The following SLA2 variants were observed in gnomAD, a reference collection of about 807,000 sequenced individuals.
SLA2 encodes the protein Src like adaptor 2.
SLA2 carries 22 observed loss-of-function variants against 27.3 expected under a neutral mutation model. The observed-to-expected ratio is 0.81, with a 90% CI of 0.58 to 1.15. The LOEUF is 1.15. SLA2 is among the 50% of genes most tolerant of loss of function. The probability of loss-of-function intolerance (pLI) is 0.00; values close to 1 mark genes in which losing one functional copy is unlikely to be tolerated. For synonymous variants in SLA2, 131 were observed against 137.8 expected (o/e 0.95, Z 0.34); for missense variants, 304 against 322.2 (o/e 0.94, Z 0.43).
intron 1 of SLA2, 137 bp from the exon 2 acceptor site, chr20:36,641,515 C>CCT (rs2039506585): frequency 3.6e-6 from 2 of 548,724 alleles, no homozygotes; most frequent in Non-Finnish European, 6.6e-6. Flanking sequence ...CAGGCTCCAG[C>CCT]CTCTCTGCCA....
At chr20:36,644,914 T>C (rs1353466865) in intron 1 of SLA2, among the ~76,000 whole-genome samples, 1 of 138,442 alleles carries the variant, frequency 7.2e-6, no homozygotes, top group Admixed American at 7.8e-5. Context: ...GGGTCCCATT[T>C]CAGATACAGT....
chr20:36,622,048 G>A (rs1310831218), intron 5 of SLA2, among the ~76,000 whole-genome samples: 2 of 151,862 alleles, frequency 1.3e-5, no homozygotes, highest in Non-Finnish European at 2.9e-5. Context: ...GGCTGGGTGC[G>A]GTGGCTCACA....
intron 1 of SLA2, among the ~76,000 whole-genome samples, chr20:36,645,139 A>G (rs1355078456): frequency 6.6e-6 from 1 of 151,750 alleles, no homozygotes; most frequent in Non-Finnish European, 1.5e-5. Context: ...CAGGAGTTCG[A>G]GACCAGCCTG....
At chr20:36,627,332 G>A (rs1228808136) in intron 5 of SLA2, among the ~76,000 whole-genome samples, 2 of 152,184 alleles carry the variant, frequency 1.3e-5, no homozygotes, top group African/African-American at 2.4e-5. Context: ...GATGCTGGGA[G>A]TGAGGGATGA....
intron 5 of SLA2, among the ~76,000 whole-genome samples, chr20:36,619,826 G>T (rs1163268978): frequency 4.0e-5 from 6 of 150,656 alleles, no homozygotes; most frequent in African/African-American, 1.5e-4. Context: ...TAGAAACGGG[G>T]TTTCACCATG....
chr20:36,626,439 C>G (rs1190809601), intron 5 of SLA2, among the ~76,000 whole-genome samples: 9 of 151,672 alleles, frequency 5.9e-5, no homozygotes, highest in Non-Finnish European at 1.0e-4. Flanking sequence ...AAGCATTCAC[C>G]TGTAGTCCCA....
At chr20:36,629,872 A>T (rs1600826060) in intron 5 of SLA2, among the ~76,000 whole-genome samples, 1 of 151,844 alleles carries the variant, frequency 6.6e-6, no homozygotes, top group East Asian at 1.9e-4. Flanking sequence ...CAGGAGGCAG[A>T]GGCTGCACTG....
intron 6 of SLA2, 171 bp from the exon 7 acceptor site, chr20:36,614,608 T>C (rs1160260064): frequency 2.1e-5 from 21 of 985,290 alleles, no homozygotes; most frequent in Non-Finnish European, 1.9e-5. Context: ...GTCAAAGGTC[T>C]TTCTGGGCTA....
chr20:36,639,662 G>A (rs2039487443), intron 2 of SLA2, among the ~76,000 whole-genome samples: 1 of 151,044 alleles, frequency 6.6e-6, no homozygotes, highest in Non-Finnish European at 1.5e-5. Context: ...GACCATCCTG[G>A]CTAACACAGT....
intron 5 of SLA2, chr20:36,621,466 G>A (rs530665239): frequency 5.7e-5 from 24 of 421,816 alleles, no homozygotes; most frequent in African/African-American, 1.1e-4. Context: ...TTTTTGAGAC[G>A]GAGTCTTGCT....
At position 36,630,410 on chromosome 20, in the gene SLA2, T is replaced by C. The variant is rs967136310; in HGVS notation, c.382+2185A>G. On this transcript the variant is annotated intron_variant, in intron 5 of 7. Coordinates refer to ENST00000262866, the MANE Select transcript of SLA2 (RefSeq NM_032214.4). Reference sequence around the variant, plus strand: ...GAAGGGTCCCGACAGCCTATCACAGTTGGTTCATATCAAGGCGGGCGCCAG... The same window carrying C: ...GAAGGGTCCCGACAGCCTATCACAGCTGGTTCATATCAAGGCGGGCGCCAG... Among the ~76,000 whole-genome samples, 27 of 152,176 alleles carry C rather than the reference T, an allele frequency of 1.8e-4. 1 individual carries two copies. The highest frequency in any genetic ancestry group is 6.3e-4 in the African/African-American group (26 of 41,518).
intron 2 of SLA2, among the ~76,000 whole-genome samples, chr20:36,636,212 T>C (rs986187477): frequency 6.9e-6 from 1 of 145,342 alleles, no homozygotes; most frequent in African/African-American, 2.8e-5. Flanking sequence ...GGTCAGGAGA[T>C]CGAGACCATC....
chr20:36,643,883 C>T (rs1978285593), intron 1 of SLA2, among the ~76,000 whole-genome samples: 1 of 152,098 alleles, frequency 6.6e-6, no homozygotes. Context: ...ACCTGGGAGG[C>T]AGGGGCTGCA....
chr20:36,630,760 G>A lies in SLA2; in HGVS notation c.382+1835C>T, dbSNP rs2039385887. On this transcript the variant is annotated intron_variant, in intron 5 of 7. Transcript: ENST00000262866. ...TTTGCCTCTGCCTTAAAGGACTCAGGGGCAGCAGCTCAGAGGGAGGCAGGG... is the reference window on the plus strand; with the variant it reads ...TTTGCCTCTGCCTTAAAGGACTCAGAGGCAGCAGCTCAGAGGGAGGCAGGG... Among the ~76,000 whole-genome samples the A allele has an allele frequency of 2.0e-5, 3 of 152,148 alleles. No homozygotes were observed. The South Asian group carries it at 6.2e-4, about 32-fold the overall frequency.
At chr20:36,636,611 G>GAAAA (rs1185102769) in intron 2 of SLA2, among the ~76,000 whole-genome samples, 4,248 of 73,762 alleles carry the variant, frequency 0.058, 291 homozygotes, top group Non-Finnish European at 0.079. Flanking sequence ...ATCTCAAAAA[G>GAAAA]AAAAAAAAAA....
chr20:36,628,840 GAC>G (rs2039364995), intron 5 of SLA2, among the ~76,000 whole-genome samples: 4 of 151,974 alleles, frequency 2.6e-5, no homozygotes, highest in Non-Finnish European at 5.9e-5. Flanking sequence ...ACAGGTGTGA[GAC>G]ACTGCACCTG....
intron 6 of SLA2, chr20:36,614,885 AG>A (rs1334029311): frequency 2.0e-6 from 2 of 985,246 alleles, no homozygotes; most frequent in Non-Finnish European, 2.4e-6. Flanking sequence ...GGAAGTACTA[AG>A]GAGAGTCAGG....
intron 1 of SLA2, among the ~76,000 whole-genome samples, chr20:36,644,939 G>T (rs1158375235): frequency 6.8e-6 from 1 of 147,700 alleles, no homozygotes; most frequent in Non-Finnish European, 1.5e-5. Context: ...AAGTCCCTGA[G>T]AGGACAACCA....
In SLA2 at chr20:36,641,318, G is replaced by T. The variant is rs762652997; in HGVS notation, c.18C>A (p.Ser6Arg). The change falls in exon 2 of 8, where the codon AGC (serine) becomes AGA (arginine). Residue 6 changes from serine to arginine, a missense_variant. Physicochemically the swap from Ser to Arg is moderately radical, Grantham distance 110. Transcript: ENST00000262866. MGSLP[S>R]RRKSLPSPSL... ...TTGGGCTTGGCAGAGATTTTCTTCT[G>T]CTGGGCAGACTTCCCATTGTTCCTC... The T allele has an allele frequency of 6.2e-7, 1 of 1,613,996 alleles. No individual in the cohort carries two copies. The highest frequency in any genetic ancestry group is 8.5e-7 in the Non-Finnish European group (1 of 1,179,918).
Sources: allele counts gnomAD v4.1 joint callset (sites outside exome capture counted in the v4.1 genomes callset), GRCh38; gene constraint gnomAD v4.1.1; transcripts MANE v1.5; gene names NCBI Gene and HGNC (gene_info 2026-07-23, HGNC 2026-07-21).